Variants in PTPN21 observed in about 807,000 individuals in gnomAD.
PTPN21 encodes protein tyrosine phosphatase non-receptor type 21.
PTPN21 carries 77 observed loss-of-function variants against 131.8 expected under a neutral mutation model. The ratio of observed to expected loss-of-function variants is 0.58; its 90% CI spans 0.49 to 0.71. The LOEUF (loss-of-function observed/expected upper bound fraction) is 0.71. PTPN21 is among the 30% of genes least tolerant of loss of function. The pLI, the probability that PTPN21 is intolerant of heterozygous loss-of-function variation, is 0.00. For synonymous variants in PTPN21, 715 were observed against 621.3 expected (o/e 1.15, Z -2.24); for missense variants, 1,552 against 1,527.1 (o/e 1.02, Z -0.27).
At chr14:88,526,547 C>CAAAAAAAAAAAAAAAAAAA (rs10587204) in intron 2 of PTPN21, among the ~76,000 whole-genome samples, 1 of 56,912 alleles carries the variant, frequency 1.8e-5, no homozygotes, top group Non-Finnish European at 2.8e-5. Flanking sequence ...GAGATGATCT[C>CAAAAAAAAAAAAAAAAAAA]AAAAAAAAAA....
At chr14:88,491,299 C>T (rs1014615057) in intron 10 of PTPN21, among the ~76,000 whole-genome samples, 1 of 152,122 alleles carries the variant, frequency 6.6e-6, no homozygotes, top group African/African-American at 2.4e-5. Flanking sequence ...ATAAGGCCAT[C>T]CCAAGCAGCA....
intron 3 of PTPN21, among the ~76,000 whole-genome samples, chr14:88,511,880 T>C (rs2078189678): frequency 6.6e-6 from 1 of 152,188 alleles, no homozygotes; most frequent in Non-Finnish European, 1.5e-5. Flanking sequence ...TTTCATACAA[T>C]ATATGACAAT....
In PTPN21 at chr14:88,550,542, C is replaced by T. The variant is rs1482588104; in HGVS notation, c.-125G>A. The T allele has an allele frequency of 5.3e-6, 5 of 951,042 alleles. No homozygotes were observed. The highest frequency in any genetic ancestry group is 7.6e-6 in the Non-Finnish European group (5 of 653,674). The allele number at this position is 951,042 out of a possible 1,614,324, so 58.9% of individuals were successfully genotyped here. A position where few individuals can be genotyped will look rare whatever the true frequency, so the allele number is the denominator to read the frequency against. Reference sequence around the variant, plus strand: ...ACGAACACTGTCCGGCCTCCAGCTGCTCACCCAGCAGCCGCTGCCGCCATT... The same window carrying T: ...ACGAACACTGTCCGGCCTCCAGCTGTTCACCCAGCAGCCGCTGCCGCCATT... On this transcript the variant is annotated 5_prime_UTR_variant, in exon 2 of 19. Transcript: ENST00000556564.
intron 3 of PTPN21, 47 bp from the exon 4 acceptor site, chr14:88,508,067 T>C (rs1222299689): frequency 1.2e-5 from 13 of 1,053,046 alleles, no homozygotes; most frequent in South Asian, 3.0e-5. Context: ...TATTATCTCA[T>C]TGAGATACAA....
intron 6 of PTPN21, among the ~76,000 whole-genome samples, chr14:88,502,042 C>T (rs980966309): frequency 9.9e-5 from 15 of 151,938 alleles, no homozygotes; most frequent in African/African-American, 3.6e-4. Flanking sequence ...AAATGTCGAA[C>T]GCAGGGAATA....
chr14:88,480,053 T>C lies in PTPN21; in HGVS notation c.1378A>G (p.Arg460Gly), dbSNP rs774153536. 1.2e-6 allele frequency: 2 copies of C among 1,613,926 alleles called. No homozygotes were observed. The highest frequency in any genetic ancestry group is 2.7e-5 in the African/African-American group (2 of 74,926). ...TGCCGTTCCGCATGCACCAGGCCCC[T>C]GTTGAGCTGCTTCATCACAGTCTCA... Reference protein sequence around the residue: ...DYETVMKQLNRGLVHAERQSH... With the variant: ...DYETVMKQLNGGLVHAERQSH... The change falls in exon 13 of 19, where the codon AGG becomes GGG. Residue 460 changes from arginine to glycine, a missense_variant. Transcript: ENST00000556564.
chr14:88,526,547 CAAAAAAAAAAAA>C (rs10587204), intron 2 of PTPN21, among the ~76,000 whole-genome samples: 2 of 56,912 alleles, frequency 3.5e-5, no homozygotes, highest in East Asian at 7.2e-4. Context: ...GAGATGATCT[CAAAAAAAAAAAA>C]AAAAAAAAAA....
rs1238563853 is a variant in PTPN21, at chr14:88,472,453, C to G, written c.2662G>C (p.Glu888Gln). ...ATNDERCKIL[E>Q]QRLEQGMVFT... ...ACCATTCCTTGTTCTAATCGTTGTT[C>G]CAGAATTTTACACTATAAAACAGAA... is the stretch of plus-strand genomic sequence containing the variant. The change falls in exon 15 of 19, where the codon GAA becomes CAA. Residue 888 changes from glutamate (E) to glutamine (Q), a missense_variant. By Grantham distance (29) the Glu-to-Gln change is conservative. Transcript: ENST00000556564. 3 of 1,610,440 alleles carry G rather than the reference C, an allele frequency of 1.9e-6. No homozygotes were observed. The South Asian group carries it at 3.3e-5, about 18-fold the overall frequency.
rs2077917247 is a variant in PTPN21 at position 88,496,406 on chromosome 14, T to C, written c.932+7A>G. 1 of 1,596,770 alleles carries C rather than the reference T, an allele frequency of 6.3e-7. No individual in the cohort carries two copies. Among genetic ancestry groups the C allele is most frequent in the Non-Finnish European group, 8.6e-7 (1 of 1,164,422 alleles). ...TTTGATAATTTCCATGAGCAGGACA[T>C]ACTTACAGGTTACACTGGTTTAGTC... On this transcript the variant is annotated splice_region_variant and intron_variant, in intron 10 of 18. Transcript: ENST00000556564.
rs115246357 is a variant in PTPN21 at position 88,540,246 on chromosome 14, C to T, written c.180+9992G>A. On this transcript the variant is annotated intron_variant, in intron 2 of 18. Coordinates refer to ENST00000556564, the MANE Select transcript of PTPN21 (RefSeq NM_007039.4). ...AAAGAGCTGCCAGTTAATGAGTGTCCTATGGATGCTATTGGTCTTTGGTCC... is the reference window on the plus strand; with the variant it reads ...AAAGAGCTGCCAGTTAATGAGTGTCTTATGGATGCTATTGGTCTTTGGTCC... Among the ~76,000 whole-genome samples, 858 of 152,242 alleles carry T rather than the reference C, an allele frequency of 5.6e-3. 10 individuals are homozygous for T. Among genetic ancestry groups the T allele is most frequent in the African/African-American group, 0.02 (828 of 41,548 alleles).
In PTPN21 at chr14:88,479,683, C is replaced by T. The variant is rs1012930448; in HGVS notation, c.1748G>A (p.Arg583His). Residue 583 changes from arginine (R) to histidine (H), a missense_variant, in exon 13 of 19, where the codon CGC (arginine) becomes CAC (histidine). Coordinates refer to ENST00000556564, the MANE Select transcript of PTPN21 (RefSeq NM_007039.4). ...GTTGCTGCTGCTGATGTAAAGGTGG[C>T]GGGACAGGTCTGGCGTGCTGTTGGC... ...RPANSTPDLS[R>H]HLYISSSNPD... 3 of 1,211,504 alleles carry T rather than the reference C, an allele frequency of 2.5e-6. No individual in the cohort carries two copies. The highest frequency in any genetic ancestry group is 5.4e-5 in the East Asian group (1 of 18,662). The allele number at this position is 1,211,504 out of a possible 1,614,324, so 75.0% of individuals were successfully genotyped here. A position where few individuals can be genotyped will look rare whatever the true frequency, so the allele number is the denominator to read the frequency against.
chr14:88,521,587 T>G (rs966692555), intron 2 of PTPN21, among the ~76,000 whole-genome samples: 2 of 133,022 alleles, frequency 1.5e-5, no homozygotes, highest in Non-Finnish European at 3.3e-5. Flanking sequence ...TTTTTTTGCA[T>G]TTTTTAGTAG....
In PTPN21 at chr14:88,473,640, A is replaced by C. The variant is rs373602498; in HGVS notation, c.2649+25T>G. The C allele has an allele frequency of 2.1e-5, 34 of 1,592,578 alleles. No individual in the cohort carries two copies. The South Asian group carries it at 2.3e-4, about 11-fold the overall frequency. ...TTACCGGTTGTTCCAGAGAAGGCACAAAGCCCTGTGTGTCCCATACATACC... is the reference window on the plus strand; with the variant it reads ...TTACCGGTTGTTCCAGAGAAGGCACCAAGCCCTGTGTGTCCCATACATACC... On this transcript the variant is annotated intron_variant, in intron 14 of 18. Coordinates refer to ENST00000556564, the MANE Select transcript of PTPN21 (RefSeq NM_007039.4).
At chr14:88,476,878 T>C (rs1231173257) in intron 13 of PTPN21, among the ~76,000 whole-genome samples, 1 of 152,166 alleles carries the variant, frequency 6.6e-6, no homozygotes, top group Non-Finnish European at 1.5e-5. Flanking sequence ...GAGAGAAAAG[T>C]TCTTTTAAGA....
rs1158692714 is a variant in PTPN21, at chr14:88,554,918, G to C, written c.-470C>G. On this transcript the variant is annotated 5_prime_UTR_variant, in exon 1 of 19. Coordinates refer to ENST00000556564, the MANE Select transcript of PTPN21 (RefSeq NM_007039.4). ...GAGGAGCGCCGCACAAAGAAGCCCC[G>C]TGGGGGCGGGGGGTGGCAGGAGGAC... 6.6e-6 allele frequency among the ~76,000 whole-genome samples: 1 copy of C among 151,782 alleles called. No individual in the cohort carries two copies. The highest frequency in any genetic ancestry group is 1.9e-4 in the East Asian group (1 of 5,152).
intron 2 of PTPN21, among the ~76,000 whole-genome samples, chr14:88,527,912 T>C (rs533799966): frequency 4.5e-4 from 69 of 152,196 alleles, no homozygotes; most frequent in Non-Finnish European, 3.8e-4. Flanking sequence ...GAATACGGTG[T>C]CCTTTCCCCA....
chr14:88,526,239 G>A (rs2078473064), intron 2 of PTPN21, among the ~76,000 whole-genome samples: 1 of 152,060 alleles, frequency 6.6e-6, no homozygotes, highest in Non-Finnish European at 1.5e-5. Flanking sequence ...AAATGCCAAT[G>A]AGTTGTTTAC....
intron 10 of PTPN21, among the ~76,000 whole-genome samples, chr14:88,495,631 G>C (rs1188714615): frequency 6.6e-6 from 1 of 152,170 alleles, no homozygotes; most frequent in Non-Finnish European, 1.5e-5. Context: ...TAGACGAAAG[G>C]ATTTGGAGAA....
rs2078711779 is a variant in PTPN21 at position 88,541,942 on chromosome 14, C to T, written c.180+8296G>A. Among the ~76,000 whole-genome samples the T allele has an allele frequency of 2.0e-5, 3 of 152,146 alleles. No homozygotes were observed. The South Asian group carries it at 6.2e-4, about 32-fold the overall frequency. ...CTTAACCAGGAAGCCTCCAGGCCCA[C>T]AGCCTAGGCCCATGGATGGACTTGG... On this transcript the variant is annotated intron_variant, in intron 2 of 18. Coordinates refer to ENST00000556564, the MANE Select transcript of PTPN21 (RefSeq NM_007039.4).
Sources: allele counts gnomAD v4.1 joint callset (sites outside exome capture counted in the v4.1 genomes callset), GRCh38; gene constraint gnomAD v4.1.1; transcripts MANE v1.5; gene names NCBI Gene and HGNC (gene_info 2026-07-23, HGNC 2026-07-21).